Variants in ASTN2 observed in about 807,000 individuals in gnomAD.
ASTN2 encodes astrotactin-2.
Under a neutral mutation model 139.8 loss-of-function variants are expected in ASTN2, and 54 were observed. The observed-to-expected ratio is 0.39, with a 90% CI of 0.31 to 0.48. ASTN2 has a LOEUF of 0.48. Ranked by LOEUF, ASTN2 falls within the 20% of genes least tolerant of loss-of-function variation. The pLI is 0.95. For missense variants in ASTN2, 1,565 were observed against 1,725.1 expected, an observed-to-expected ratio of 0.91 and a Z score of 1.64; for synonymous variants, 756 against 719.5, an observed-to-expected ratio of 1.05 and a Z score of -0.81.
intron 1 of ASTN2, among the ~76,000 whole-genome samples, chr9:117,311,167 T>C (rs1228596509): frequency 6.7e-6 from 1 of 148,150 alleles, no homozygotes; most frequent in Non-Finnish European, 1.5e-5. Context: ...AGATAATGCA[T>C]ATAAAGTGCT....
chr9:116,701,756 C>T (rs894520004), intron 16 of ASTN2, among the ~76,000 whole-genome samples: 1 of 152,048 alleles, frequency 6.6e-6, no homozygotes, highest in East Asian at 1.9e-4. Flanking sequence ...TTTCCTTTTT[C>T]CCCTTTGATG....
intron 20 of ASTN2, among the ~76,000 whole-genome samples, chr9:116,451,517 G>T (rs1419173812): frequency 1.3e-5 from 2 of 151,982 alleles, no homozygotes. Flanking sequence ...ATGGTCAAAT[G>T]AACAAGAAAT....
intron 7 of ASTN2, among the ~76,000 whole-genome samples, chr9:116,992,734 G>A (rs1011739397): frequency 3.9e-5 from 6 of 152,090 alleles, no homozygotes; most frequent in African/African-American, 1.4e-4. Flanking sequence ...GACACACAAC[G>A]AGCAGGTTCC....
intron 4 of ASTN2, among the ~76,000 whole-genome samples, chr9:117,140,339 T>G (rs1830044148): frequency 6.6e-6 from 1 of 151,502 alleles, no homozygotes; most frequent in South Asian, 2.1e-4. Flanking sequence ...ACTGAAGCTG[T>G]GGGAAAAGGG....
intron 13 of ASTN2, among the ~76,000 whole-genome samples, chr9:116,780,342 C>A (rs189235580): frequency 6.6e-6 from 1 of 152,296 alleles, no homozygotes; most frequent in African/African-American, 2.4e-5. Flanking sequence ...GGTAATGAAA[C>A]CAAATTTGCT....
chr9:116,633,322 C>T (rs1304202598), intron 17 of ASTN2, among the ~76,000 whole-genome samples: 1 of 152,168 alleles, frequency 6.6e-6, no homozygotes, highest in East Asian at 1.9e-4. Flanking sequence ...AATTTAAGTT[C>T]TTCAGAGGAT....
intron 7 of ASTN2, among the ~76,000 whole-genome samples, chr9:116,990,745 A>G (rs1053404354): frequency 6.6e-6 from 1 of 152,206 alleles, no homozygotes; most frequent in Non-Finnish European, 1.5e-5. Flanking sequence ...ATTCTTTTAC[A>G]AAACATTTTT....
chr9:116,977,644 ATC>A (rs1403631851), intron 7 of ASTN2, among the ~76,000 whole-genome samples: 1 of 151,764 alleles, frequency 6.6e-6, no homozygotes, highest in African/African-American at 2.4e-5. Flanking sequence ...TGATTTCAGA[ATC>A]TCTCTGTCCT....
At chr9:117,320,861 C>A (rs531225457) in intron 1 of ASTN2, among the ~76,000 whole-genome samples, 1 of 152,288 alleles carries the variant, frequency 6.6e-6, no homozygotes, top group Admixed American at 6.5e-5. Context: ...CACTTTGCAT[C>A]CCAGCCTGGG....
intron 3 of ASTN2, among the ~76,000 whole-genome samples, chr9:117,213,914 C>T (rs182681080): frequency 6.6e-6 from 1 of 152,242 alleles, no homozygotes; most frequent in East Asian, 1.9e-4. Flanking sequence ...TGTCAAATTT[C>T]CCAAGAGCTG....
intron 3 of ASTN2, among the ~76,000 whole-genome samples, chr9:117,182,865 C>A (rs1198852615): frequency 6.6e-6 from 1 of 152,056 alleles, no homozygotes; most frequent in Non-Finnish European, 1.5e-5. Context: ...TTAAGCAAGC[C>A]AAGTTTTTAT....
At chr9:117,085,688 C>T (rs1828542647) in intron 5 of ASTN2, among the ~76,000 whole-genome samples, 1 of 152,198 alleles carries the variant, frequency 6.6e-6, no homozygotes, top group African/African-American at 2.4e-5. Flanking sequence ...GTCCCAGCCC[C>T]TCCCAGGCTA....
intron 19 of ASTN2, among the ~76,000 whole-genome samples, chr9:116,605,027 C>G (rs1049039145): frequency 5.4e-5 from 8 of 148,594 alleles, no homozygotes; most frequent in African/African-American, 2.0e-4. Context: ...CACAGAGTGA[C>G]ATGGAATAAA....
intron 5 of ASTN2, among the ~76,000 whole-genome samples, chr9:117,077,750 T>TAAC (rs199976257): frequency 0.014 from 2,149 of 151,928 alleles, 24 homozygotes; most frequent in Non-Finnish European, 0.022. Context: ...TCTGTCTAAA[T>TAAC]AACAACAACA....
At chr9:116,837,008 T>A (rs943311) in intron 11 of ASTN2, among the ~76,000 whole-genome samples, 128,066 of 152,002 alleles carry the variant, frequency 0.84, 54,161 homozygotes, top group East Asian at 0.95. Flanking sequence ...TTCAGCCATG[T>A]TAAGGCACCT....
chr9:117,135,257 T>A (rs1445259399), intron 4 of ASTN2, among the ~76,000 whole-genome samples: 3 of 152,240 alleles, frequency 2.0e-5, no homozygotes, highest in Non-Finnish European at 4.4e-5. Flanking sequence ...CTTAGACAAG[T>A]GACTGAAACT....
chr9:116,792,427 A>G (rs970784450), intron 13 of ASTN2, among the ~76,000 whole-genome samples: 2 of 152,102 alleles, frequency 1.3e-5, no homozygotes, highest in African/African-American at 2.4e-5. Context: ...GCTGCATCCA[A>G]TTATGGCTGA....
intron 3 of ASTN2, among the ~76,000 whole-genome samples, chr9:117,187,293 G>C (rs1831226007): frequency 6.6e-6 from 1 of 152,146 alleles, no homozygotes; most frequent in Non-Finnish European, 1.5e-5. Context: ...GGGGGAACAA[G>C]CCATGCAAAG....
intron 10 of ASTN2, among the ~76,000 whole-genome samples, chr9:116,882,407 AAT>A (rs1476393566): frequency 6.6e-6 from 1 of 152,174 alleles, no homozygotes; most frequent in Non-Finnish European, 1.5e-5. Flanking sequence ...AACATAAATA[AAT>A]ATGTTATTGT....
Sources: gnomAD v4.1 joint callset for allele counts (sites outside exome capture counted in the v4.1 genomes callset) on GRCh38, gnomAD v4.1.1 for gene constraint, MANE v1.5 for transcripts, NCBI Gene and HGNC (gene_info 2026-07-23, HGNC 2026-07-21) for gene names.